Variants in CRTC1 observed in about 807,000 individuals in gnomAD.
The protein encoded by CRTC1 is CREB-regulated transcription coactivator 1.
Under a neutral mutation model 66.1 loss-of-function variants are expected in CRTC1, and 18 were observed. That is an observed-to-expected ratio of 0.27 (90% confidence interval 0.19 to 0.40). The LOEUF is 0.40. Among genes scored for constraint, CRTC1 ranks in the 10% least tolerant of loss-of-function variants. The pLI, the probability that CRTC1 is intolerant of heterozygous loss-of-function variation, is 1.00. For synonymous variants in CRTC1, 416 were observed against 398.8 expected (o/e 1.04, Z -0.51); for missense variants, 669 against 887.9 (o/e 0.75, Z 3.13).
chr19:18,753,392 TACC>T, intron 5 of CRTC1, 105 bp from the exon 6 acceptor site: 1 of 778,392 alleles, frequency 1.3e-6, no homozygotes, highest in African/African-American at 1.7e-5. Context: ...GTTGCAGTCT[TACC>T]ATGGCCATGA....
intron 7 of CRTC1, 58 bp from the exon 8 acceptor site, chr19:18,759,950 C>T: frequency 1.5e-6 from 2 of 1,370,320 alleles, no homozygotes; most frequent in East Asian, 2.3e-5. Flanking sequence ...GCCCCCTGTC[C>T]CCGCCGCCAG....
intron 2 of CRTC1, among the ~76,000 whole-genome samples, chr19:18,744,309 G>A (rs1014095502): frequency 2.0e-5 from 3 of 152,180 alleles, no homozygotes; most frequent in African/African-American, 4.8e-5. Flanking sequence ...AAATGGAAAT[G>A]GATCCACTCC....
chr19:18,744,031 G>T, intron 2 of CRTC1: 1 of 1,521,208 alleles, frequency 6.6e-7, no homozygotes, highest in Non-Finnish European at 9.1e-7. Flanking sequence ...ACAGCCCGGG[G>T]GGAGGTCCCA....
At chr19:18,750,706 TAGG>T (rs1412312526) in intron 5 of CRTC1, among the ~76,000 whole-genome samples, 3 of 152,204 alleles carry the variant, frequency 2.0e-5, no homozygotes, top group South Asian at 2.1e-4. Context: ...ATTCTGCTGA[TAGG>T]AGGAGGAAGA....
At chr19:18,756,840 A>G (rs1400073820) in intron 6 of CRTC1, among the ~76,000 whole-genome samples, 1 of 152,084 alleles carries the variant, frequency 6.6e-6, no homozygotes, top group Non-Finnish European at 1.5e-5. Context: ...TGTCTCCATA[A>G]TGTTGGTGGA....
rs1243174583 is a variant in CRTC1 at position 18,760,282 on chromosome 19, C to T, written c.886+54C>T. ...AGAGCACTGGCTTGTGGAGACAACA[C>T]GGGCATCTGCAGGATGACTTGGCAG... On this transcript the variant is annotated intron_variant, in intron 8 of 13. Transcript: ENST00000321949. The surrounding 1 kb of genome is among the most constrained non-coding windows in gnomAD (Gnocchi z 6.2). The T allele has an allele frequency of 2.0e-5, 28 of 1,378,480 alleles. No homozygotes were observed. The highest frequency in any genetic ancestry group is 2.0e-4 in the Middle Eastern group (1 of 5,124). The allele number at this position is 1,378,480 out of a possible 1,614,324, so 85.4% of individuals were successfully genotyped here.
In CRTC1 at chr19:18,781,308, C is replaced by T. The variant is rs1330521258; in HGVS notation, c.*3926C>T. On this transcript the variant is annotated 3_prime_UTR_variant, in exon 14 of 14. Transcript: ENST00000321949. The stretch of plus-strand genomic sequence containing the variant: ...ACTCACCCTGGGAGGCCTGCCTGGG[C>T]TACATGGACACCTGGGTCTCTTTCT... 4.4e-6 allele frequency: 1 copy of T among 228,664 alleles called. No homozygotes were observed. The highest frequency in any genetic ancestry group is 8.7e-6 in the Non-Finnish European group (1 of 115,318). The allele number at this position is 228,664 out of a possible 1,614,324, so 14.2% of individuals were successfully genotyped here. A position where few individuals can be genotyped will look rare whatever the true frequency, so the allele number is the denominator to read the frequency against.
chr19:18,744,028 G>C, intron 2 of CRTC1: 5 of 1,490,600 alleles, frequency 3.4e-6, no homozygotes, highest in African/African-American at 1.4e-5. Context: ...CCCACAGCCC[G>C]GGGGGAGGTC....
chr19:18,725,818 G>T (rs943679063), intron 1 of CRTC1, among the ~76,000 whole-genome samples: 1 of 152,148 alleles, frequency 6.6e-6, no homozygotes, highest in Admixed American at 6.5e-5. Flanking sequence ...TACAGGGTCC[G>T]CCTCGGCCCT....
chr19:18,770,465 C>A (rs2054836069), intron 10 of CRTC1, among the ~76,000 whole-genome samples: 1 of 152,254 alleles, frequency 6.6e-6, no homozygotes, highest in Non-Finnish European at 1.5e-5. Flanking sequence ...ACCTGCTGGG[C>A]TGCAGACTTA....
intron 1 of CRTC1, among the ~76,000 whole-genome samples, chr19:18,710,541 G>A (rs114900009): frequency 6.1e-4 from 93 of 152,304 alleles, no homozygotes; most frequent in African/African-American, 2.2e-3. Context: ...GGGGGCTTTG[G>A]GTCAGAGGGT....
intron 1 of CRTC1, among the ~76,000 whole-genome samples, chr19:18,713,654 C>T (rs892142633): frequency 6.7e-5 from 10 of 149,096 alleles, no homozygotes; most frequent in African/African-American, 1.7e-4. Context: ...GGCTCACCGC[C>T]GGTTGGCCTT....
intron 1 of CRTC1, among the ~76,000 whole-genome samples, chr19:18,689,059 C>A (rs1020753371): frequency 6.6e-6 from 1 of 152,130 alleles, no homozygotes; most frequent in Admixed American, 6.5e-5. Context: ...GATTCTCCTG[C>A]CTCAGCCTCC....
chr19:18,692,962 C>G (rs1270336246), intron 1 of CRTC1, among the ~76,000 whole-genome samples: 6 of 149,564 alleles, frequency 4.0e-5, no homozygotes, highest in African/African-American at 1.5e-4. Flanking sequence ...GTAGTCCCAG[C>G]TACTCGGGAG....
chr19:18,710,832 G>T (rs1304721347), intron 1 of CRTC1, among the ~76,000 whole-genome samples: 1 of 152,130 alleles, frequency 6.6e-6, no homozygotes, highest in African/African-American at 2.4e-5. Context: ...GCCCAGGCTG[G>T]TCTCGAACTC....
intron 1 of CRTC1, among the ~76,000 whole-genome samples, chr19:18,717,157 G>T (rs1350539177): frequency 1.3e-5 from 2 of 152,190 alleles, no homozygotes; most frequent in African/African-American, 4.8e-5. Flanking sequence ...GGTGACTGGC[G>T]CTGGGCTGGA....
At chr19:18,714,542 G>A (rs1280598571) in intron 1 of CRTC1, among the ~76,000 whole-genome samples, 2 of 152,122 alleles carry the variant, frequency 1.3e-5, no homozygotes, top group African/African-American at 4.8e-5. Flanking sequence ...TCCTGACCTC[G>A]TGATCCGCCT....
intron 7 of CRTC1, 86 bp from the exon 8 acceptor site, chr19:18,759,910 CCTTTTGCACCCG>C: frequency 1.1e-6 from 1 of 922,264 alleles, no homozygotes; most frequent in Non-Finnish European, 1.6e-6. Context: ...TGGGGGGTGG[CCTTTTGCACCCG>C]CTGATTTTCT....
chr19:18,743,458 A>C (rs1395667794), intron 2 of CRTC1, among the ~76,000 whole-genome samples: 1 of 152,218 alleles, frequency 6.6e-6, no homozygotes, highest in African/African-American at 2.4e-5. Context: ...CGCAGGCCGC[A>C]CAGCCGCCGT....
Sources: gnomAD v4.1 joint callset for allele counts (sites outside exome capture counted in the v4.1 genomes callset) on GRCh38, gnomAD v4.1.1 for gene constraint, Gnocchi (gnomAD v3.1) non-coding constraint, MANE v1.5 for transcripts, NCBI Gene and HGNC (gene_info 2026-07-23, HGNC 2026-07-21) for gene names.